The following DSC1 variants were observed in gnomAD, a reference collection of about 807,000 sequenced individuals.
The protein encoded by DSC1 is desmocollin 1, also known as desmocollin-1.
Under a neutral mutation model 98.8 loss-of-function variants are expected in DSC1, and 79 were observed. The observed-to-expected ratio is 0.80, with a 90% CI of 0.67 to 0.96. The LOEUF (loss-of-function observed/expected upper bound fraction) is 0.96. Among genes scored for constraint, DSC1 ranks in the 50% least tolerant of loss-of-function variants. DSC1 has a pLI of 0.00. For missense variants in DSC1, 1,115 were observed against 1,075.9 expected (o/e 1.04, Z -0.51); for synonymous variants, 405 against 372.1 (o/e 1.09, Z -1.02).
chr18:31,156,645 G>A (rs62087348), intron 3 of DSC1, among the ~76,000 whole-genome samples: 5,514 of 152,260 alleles, frequency 0.036, 129 homozygotes, highest in Non-Finnish European at 0.053. Context: ...AAAGTCTTAA[G>A]CATATTAAGA....
intron 9 of DSC1, 150 bp from the exon 10 acceptor site, chr18:31,140,451 C>G: frequency 1.3e-6 from 1 of 769,854 alleles, no homozygotes; most frequent in Non-Finnish European, 1.9e-6. Flanking sequence ...CAATTAGCTT[C>G]CTAAAGTGAC....
rs763907793 is a variant in DSC1 at position 31,143,794 on chromosome 18, GA to G, written c.940-4del. The G allele has an allele frequency of 9.1e-6, 14 of 1,539,114 alleles. No individual in the cohort carries two copies. The highest frequency in any genetic ancestry group is 4.7e-5 in the East Asian group (2 of 42,694). ...ATTAACTGGTAAGTATCACATTTCT[GA>G]AAAAAAGGAAAAAACTACATTAATG... On this transcript the variant is annotated splice_region_variant and splice_polypyrimidine_tract_variant and intron_variant, in intron 7 of 15. Coordinates refer to ENST00000257198, the MANE Select transcript of DSC1 (RefSeq NM_024421.2).
At chr18:31,153,802 G>T (rs1989044311) in intron 5 of DSC1, among the ~76,000 whole-genome samples, 1 of 151,976 alleles carries the variant, frequency 6.6e-6, no homozygotes, top group South Asian at 2.1e-4. Context: ...CATTTCTGAT[G>T]CATCTTCCTG....
intron 8 of DSC1, among the ~76,000 whole-genome samples, chr18:31,143,115 A>G (rs1027389498): frequency 6.6e-6 from 1 of 151,814 alleles, no homozygotes; most frequent in Non-Finnish European, 1.5e-5. Flanking sequence ...AAATATATAT[A>G]TGTGTACACA....
rs114700132 is a variant in DSC1 at position 31,153,056 on chromosome 18, C to A, written c.627+1718G>T. Among the ~76,000 whole-genome samples the A allele has an allele frequency of 7.8e-3, 1,181 of 151,658 alleles. 15 individuals carry two copies. The highest frequency in any genetic ancestry group is 0.027 in the African/African-American group (1,126 of 41,382). ...GTTTAACTTTGAGGATAAATTTCAACCTATTTTATTCATTTACATTTTTTT... is the reference window on the plus strand; with the variant it reads ...GTTTAACTTTGAGGATAAATTTCAAACTATTTTATTCATTTACATTTTTTT... On this transcript the variant is annotated intron_variant, in intron 5 of 15. Coordinates refer to ENST00000257198, the MANE Select transcript of DSC1 (RefSeq NM_024421.2).
chr18:31,141,947 G>A, intron 9 of DSC1, 52 bp downstream of exon 9: 2 of 1,521,032 alleles, frequency 1.3e-6, no homozygotes, highest in Non-Finnish European at 1.8e-6. Flanking sequence ...CTTAAAATCA[G>A]TGCGTGAGTT....
At chr18:31,147,048 T>C (rs1435054383) in intron 6 of DSC1, among the ~76,000 whole-genome samples, 1 of 152,132 alleles carries the variant, frequency 6.6e-6, no homozygotes, top group Non-Finnish European at 1.5e-5. Flanking sequence ...CCACAGGAAA[T>C]AACAACTGTT....
chr18:31,141,587 T>C (rs1227216108), intron 9 of DSC1, among the ~76,000 whole-genome samples: 1 of 152,148 alleles, frequency 6.6e-6, no homozygotes, highest in African/African-American at 2.4e-5. Flanking sequence ...GAATACATCA[T>C]AGAGAGGTAA....
chr18:31,151,468 G>C (rs1319792631), intron 5 of DSC1, among the ~76,000 whole-genome samples: 1 of 152,048 alleles, frequency 6.6e-6, no homozygotes, highest in Non-Finnish European at 1.5e-5. Flanking sequence ...CCATCATTCT[G>C]TATTAAAAGC....
intron 2 of DSC1, 67 bp downstream of exon 2, chr18:31,159,378 T>G (rs1199328439): frequency 1.3e-6 from 2 of 1,545,036 alleles, no homozygotes; most frequent in African/African-American, 1.4e-5. Context: ...ATCCCAAACT[T>G]TACAAGAGCA....
chr18:31,161,075 A>G (rs1055439201), intron 1 of DSC1, among the ~76,000 whole-genome samples: 2 of 152,142 alleles, frequency 1.3e-5, no homozygotes, highest in African/African-American at 2.4e-5. Context: ...GGTATGCACC[A>G]TGGTACAGCC....
intron 8 of DSC1, 115 bp from the exon 9 acceptor site, chr18:31,142,299 A>G (rs1988755073): frequency 1.8e-6 from 2 of 1,082,188 alleles, no homozygotes; most frequent in East Asian, 2.7e-5. Flanking sequence ...AGCTGCCCTC[A>G]CTATATGGGG....
Position 31,157,494 on chromosome 18 carries a change from T to G in DSC1, c.228A>C (p.Ser76=). ...DPAFRILEDG[S]IYTTHDLILS... is the part of the protein sequence containing the mutation. ...AAATGAGGTCATGTGTTGTGTAAATTGAGCCATCTTCTAGAATTCTGAAGG... is the reference window on the plus strand; with the variant it reads ...AAATGAGGTCATGTGTTGTGTAAATGGAGCCATCTTCTAGAATTCTGAAGG... Residue 76 remains serine (S), a synonymous_variant, in exon 3 of 16, where the codon TCA becomes TCC. Transcript: ENST00000257198. 1.2e-6 allele frequency: 2 copies of G among 1,614,232 alleles called. No individual in the cohort carries two copies. Among genetic ancestry groups the G allele is most frequent in the Non-Finnish European group, 1.7e-6 (2 of 1,180,042 alleles).
Position 31,154,340 on chromosome 18 carries a change from C to T in DSC1, c.627+434G>A, listed in dbSNP as rs148566765. On this transcript the variant is annotated intron_variant, in intron 5 of 15. Transcript: ENST00000257198. ...TCCAACACTTACACATTTAGAATCA[C>T]GTTGGATGACTGGATCTCATCCCAG... 9.9e-5 allele frequency among the ~76,000 whole-genome samples: 15 copies of T among 150,762 alleles called. No individual in the cohort carries two copies. In the East Asian group the frequency reaches 2.7e-3, roughly 27 times the overall value.
Position 31,147,815 on chromosome 18 carries a change from A to T in DSC1, c.772+683T>A, listed in dbSNP as rs1218603630. Among the ~76,000 whole-genome samples the T allele has an allele frequency of 7.9e-5, 12 of 152,312 alleles. No homozygotes were observed. In the East Asian group the frequency reaches 2.3e-3, roughly 29 times the overall value. On this transcript the variant is annotated intron_variant, in intron 6 of 15. Transcript: ENST00000257198. Reference sequence around the variant, plus strand: ...TTGAATTTCAAATGTCTGTTAAAAAAAAATTCCTTGGCACCATAAAATAGA... The same window carrying T: ...TTGAATTTCAAATGTCTGTTAAAAATAAATTCCTTGGCACCATAAAATAGA...
chr18:31,138,956 AAG>A (rs1013004290), intron 11 of DSC1, among the ~76,000 whole-genome samples: 1 of 152,086 alleles, frequency 6.6e-6, no homozygotes, highest in Non-Finnish European at 1.5e-5. Context: ...GATAAAATGG[AAG>A]AGTGTAGCTT....
intron 3 of DSC1, 130 bp downstream of exon 3, chr18:31,157,241 G>T (rs1989115502): frequency 2.1e-6 from 2 of 972,016 alleles, no homozygotes; most frequent in African/African-American, 3.3e-5. Flanking sequence ...TACACTAATT[G>T]TAAGTGGAAA....
intron 2 of DSC1, 21 bp from the exon 3 acceptor site, chr18:31,157,594 A>G: frequency 6.2e-7 from 1 of 1,613,440 alleles, no homozygotes; most frequent in Non-Finnish European, 8.5e-7. Flanking sequence ...GAAATATCAC[A>G]GCAGTTTGTC....
intron 8 of DSC1, 90 bp from the exon 9 acceptor site, chr18:31,142,274 T>A: frequency 4.3e-6 from 6 of 1,389,668 alleles, no homozygotes; most frequent in Non-Finnish European, 5.8e-6. Context: ...AAAAAATAAA[T>A]AAAGTGATGT....
Sources: gnomAD v4.1 joint callset for allele counts (sites outside exome capture counted in the v4.1 genomes callset) on GRCh38, gnomAD v4.1.1 for gene constraint, MANE v1.5 for transcripts, NCBI Gene and HGNC (gene_info 2026-07-23, HGNC 2026-07-21) for gene names.